The following ZNF638 variants were observed in gnomAD, a reference collection of about 807,000 sequenced individuals.
The protein encoded by ZNF638 is CTCL tumor antigen se33-1.
ZNF638 carries 46 observed loss-of-function variants against 195.6 expected under a neutral mutation model. The observed-to-expected ratio is 0.24, with a 90% CI of 0.19 to 0.30. ZNF638 has a LOEUF of 0.30. ZNF638 is among the 10% of genes least tolerant of loss of function. ZNF638 has a pLI of 1.00. For missense variants in ZNF638, 2,440 were observed against 2,325.3 expected (o/e 1.05, Z -1.01); for synonymous variants, 845 against 772.0 (o/e 1.09, Z -1.57).
intron 10 of ZNF638, among the ~76,000 whole-genome samples, chr2:71,392,461 CTG>C (rs1431323732): frequency 2.0e-5 from 3 of 152,196 alleles, no homozygotes; most frequent in African/African-American, 7.2e-5. Context: ...GTTAGTGACT[CTG>C]TTTGTTTGTT....
intron 2 of ZNF638, among the ~76,000 whole-genome samples, chr2:71,352,486 T>TAAAAA (rs1197623098): frequency 5.0e-5 from 1 of 19,806 alleles, no homozygotes; most frequent in African/African-American, 1.8e-4. Flanking sequence ...TCAAAAAAAA[T>TAAAAA]AAAAAAAATA....
intron 23 of ZNF638, among the ~76,000 whole-genome samples, chr2:71,424,953 T>C (rs1370150671): frequency 1.3e-5 from 2 of 152,100 alleles, no homozygotes; most frequent in East Asian, 1.9e-4. Flanking sequence ...CAAAATGTTA[T>C]ATGGGGACAG....
At position 71,364,069 on chromosome 2, in the gene ZNF638, A is replaced by G. The variant is rs764018085; in HGVS notation, c.1534A>G (p.Met512Val). ...SHRFRRSRSPMHYMYRPRSRS... is the reference protein window; with the variant it reads ...SHRFRRSRSPVHYMYRPRSRS... ...CAGATTCCGTCGGTCTCGAAGCCCA[A>G]TGCATTACATGTATAGGCCGAGAAG... is the stretch of plus-strand genomic sequence containing the variant. The change falls in exon 5 of 28, where the codon ATG (methionine) becomes GTG (valine). Residue 512 changes from methionine to valine, a missense_variant. Met to Val is a conservative substitution (Grantham distance 21). This residue lies in a region of ZNF638 where 1,883 missense variants were observed against 1,739.1 expected (regional missense o/e 1.08). Coordinates refer to ENST00000264447, the MANE Select transcript of ZNF638 (RefSeq NM_014497.5). The G allele has an allele frequency of 6.2e-6, 10 of 1,614,064 alleles. No individual in the cohort carries two copies. Among genetic ancestry groups the G allele is most frequent in the East Asian group, 2.2e-5 (1 of 44,888 alleles).
chr2:71,424,574 T>G, intron 22 of ZNF638, 76 bp from the exon 23 acceptor site: 2 of 1,289,266 alleles, frequency 1.6e-6, no homozygotes, highest in Non-Finnish European at 2.2e-6. Context: ...TTTTTTTGTT[T>G]TTTGTTTTTT....
intron 8 of ZNF638, among the ~76,000 whole-genome samples, chr2:71,370,542 ACTTTAAATTACC>A (rs1041455954): frequency 2.0e-5 from 3 of 152,198 alleles, no homozygotes; most frequent in African/African-American, 7.2e-5. Context: ...CTATAGAATT[ACTTTAAATTACC>A]CTTTAAGGAT....
chr2:71,388,787 C>A, intron 10 of ZNF638: 2 of 836,012 alleles, frequency 2.4e-6, no homozygotes, highest in South Asian at 1.4e-5. Flanking sequence ...AGAGTTTCAT[C>A]ATGAGACAAC....
chr2:71,387,222 T>C (rs2079659345), intron 10 of ZNF638, among the ~76,000 whole-genome samples: 1 of 152,164 alleles, frequency 6.6e-6, no homozygotes, highest in Admixed American at 6.5e-5. Context: ...TAGTTTCATA[T>C]AGTTACATAG....
chr2:71,384,583 A>G (rs1458778121), intron 10 of ZNF638, among the ~76,000 whole-genome samples: 1 of 152,216 alleles, frequency 6.6e-6, no homozygotes, highest in African/African-American at 2.4e-5. Flanking sequence ...CAGGCAAGGT[A>G]CTGAAGATAA....
chr2:71,367,133 G>C (rs973357100), intron 6 of ZNF638, among the ~76,000 whole-genome samples: 6 of 151,816 alleles, frequency 4.0e-5, no homozygotes, highest in African/African-American at 1.5e-4. Flanking sequence ...GCATTGGGAA[G>C]AAATTTTTGA....
rs1352299064 is a variant in ZNF638, at chr2:71,402,022, G to A, written c.2764G>A (p.Val922Ile). ...TAATAAAGGATATTCTGTAGAAGAA[G>A]TTTATGACTTAGCAAAACCATTTGG... is the stretch of plus-strand genomic sequence containing the variant. ...LPNKGYSVEE[V>I]YDLAKPFGGL... Residue 922 changes from valine to isoleucine, a missense_variant, in exon 16 of 28, where the codon GTT becomes ATT. Transcript: ENST00000264447. 1 of 1,609,358 alleles carries A rather than the reference G, an allele frequency of 6.2e-7. No individual in the cohort carries two copies. Among genetic ancestry groups the A allele is most frequent in the South Asian group, 1.1e-5 (1 of 90,288 alleles).
intron 8 of ZNF638, among the ~76,000 whole-genome samples, chr2:71,374,441 T>C (rs1044568188): frequency 2.0e-5 from 3 of 152,244 alleles, no homozygotes; most frequent in Admixed American, 1.3e-4. Context: ...TATTTTTCTT[T>C]GTTTATTCAT....
intron 2 of ZNF638, among the ~76,000 whole-genome samples, chr2:71,354,705 C>T (rs114715884): frequency 2.0e-5 from 3 of 149,106 alleles, no homozygotes; most frequent in African/African-American, 7.4e-5. Context: ...TCATTGCACT[C>T]CAGCCTAGGC....
intron 1 of ZNF638, among the ~76,000 whole-genome samples, chr2:71,334,297 T>C (rs2078625455): frequency 6.6e-6 from 1 of 152,208 alleles, no homozygotes; most frequent in South Asian, 2.1e-4. Flanking sequence ...TAAAATGCCT[T>C]ATATACTTAG....
intron 1 of ZNF638, among the ~76,000 whole-genome samples, chr2:71,334,803 CCCAGCG>C (rs2078635368): frequency 6.6e-6 from 1 of 151,950 alleles, no homozygotes; most frequent in Non-Finnish European, 1.5e-5. Flanking sequence ...CGCCTGTAGT[CCCAGCG>C]ACTCGGGAGG....
At chr2:71,401,211 A>T (rs955758911) in intron 15 of ZNF638, among the ~76,000 whole-genome samples, 2 of 152,134 alleles carry the variant, frequency 1.3e-5, no homozygotes, top group East Asian at 3.9e-4. Context: ...TTCCCCCTAG[A>T]TATCAAAAAT....
intron 11 of ZNF638, among the ~76,000 whole-genome samples, chr2:71,397,794 ACATCTTTATAAACAGTAT>A (rs1326324058): frequency 6.6e-5 from 10 of 152,310 alleles, no homozygotes; most frequent in Admixed American, 6.5e-4. Context: ...TTTCATGATC[ACATCTTTATAAACAGTAT>A]CATCTTGGAA....
intron 20 of ZNF638, among the ~76,000 whole-genome samples, chr2:71,417,647 G>A (rs1031170516): frequency 1.3e-5 from 2 of 150,560 alleles, no homozygotes; most frequent in African/African-American, 4.9e-5. Flanking sequence ...GAGTTCCTCT[G>A]ATACCATGCA....
intron 25 of ZNF638, 78 bp downstream of exon 25, chr2:71,428,729 A>G: frequency 7.8e-7 from 1 of 1,279,750 alleles, no homozygotes; most frequent in Non-Finnish European, 1.1e-6. Context: ...TCTATCTAAG[A>G]AGAAAAGTAG....
At chr2:71,378,708 C>T (rs1405326838) in intron 8 of ZNF638, among the ~76,000 whole-genome samples, 1 of 152,168 alleles carries the variant, frequency 6.6e-6, no homozygotes, top group Non-Finnish European at 1.5e-5. Context: ...GAATGAAGAG[C>T]TGTGCAACTT....
Sources: gnomAD v4.1 joint callset for allele counts (sites outside exome capture counted in the v4.1 genomes callset) on GRCh38, gnomAD v4.1.1 for gene constraint, gnomAD v4.1.1 regional missense constraint, MANE v1.5 for transcripts, NCBI Gene and HGNC (gene_info 2026-07-23, HGNC 2026-07-21) for gene names.